Variants in DOCK1 observed in about 807,000 individuals in gnomAD.
DOCK1 encodes the protein dedicator of cytokinesis protein 1.
Under a neutral mutation model 262.7 loss-of-function variants are expected in DOCK1, and 138 were observed. The ratio of observed to expected loss-of-function variants is 0.53; its 90% CI spans 0.46 to 0.61. The LOEUF is 0.61. Ranked by LOEUF, DOCK1 falls within the 20% of genes least tolerant of loss-of-function variation. The probability of loss-of-function intolerance (pLI) is 0.00; values close to 1 mark genes in which losing one functional copy is unlikely to be tolerated. For missense variants in DOCK1, 1,908 were observed against 2,370.7 expected, an observed-to-expected ratio of 0.80 and a Z score of 4.05; for synonymous variants, 866 against 867.4, an observed-to-expected ratio of 1.00 and a Z score of 0.03.
chr10:127,070,556 C>T (rs1211959110), intron 23 of DOCK1, among the ~76,000 whole-genome samples: 8 of 151,914 alleles, frequency 5.3e-5, no homozygotes, highest in South Asian at 2.1e-4. Flanking sequence ...CTGGCCTGAA[C>T]GTAACCTTTT....
chr10:127,049,165 A>G (rs1273896367), intron 21 of DOCK1, among the ~76,000 whole-genome samples: 3 of 152,324 alleles, frequency 2.0e-5, no homozygotes, highest in South Asian at 2.1e-4. Context: ...ATTGAGAGGG[A>G]ATTAAAAGTA....
chr10:127,365,047 T>G (rs1197202942), intron 33 of DOCK1, among the ~76,000 whole-genome samples: 2 of 152,220 alleles, frequency 1.3e-5, no homozygotes, highest in Non-Finnish European at 2.9e-5. Context: ...TACCTAGATT[T>G]TTTTTATTAA....
intron 25 of DOCK1, among the ~76,000 whole-genome samples, chr10:127,120,633 T>C (rs2049499947): frequency 6.6e-6 from 1 of 152,196 alleles, no homozygotes; most frequent in Admixed American, 6.5e-5. Flanking sequence ...TTGAATATAA[T>C]TTACCTTTGA....
At chr10:127,145,243 G>A (rs2051692876) in intron 27 of DOCK1, among the ~76,000 whole-genome samples, 2 of 152,240 alleles carry the variant, frequency 1.3e-5, no homozygotes, top group Non-Finnish European at 2.9e-5. Context: ...GTGCCACCGA[G>A]GAGCAGAGGC....
intron 29 of DOCK1, among the ~76,000 whole-genome samples, chr10:127,278,002 G>T (rs1159885706): frequency 6.6e-6 from 1 of 152,110 alleles, no homozygotes; most frequent in Non-Finnish European, 1.5e-5. Flanking sequence ...GTATAAAGCA[G>T]GTATGGAGCA....
intron 29 of DOCK1, among the ~76,000 whole-genome samples, chr10:127,283,442 G>A (rs933992830): frequency 6.6e-6 from 1 of 152,200 alleles, no homozygotes; most frequent in Non-Finnish European, 1.5e-5. Flanking sequence ...CATGCCAGAG[G>A]AACACTGAAT....
chr10:127,208,692 G>A (rs949710349), intron 27 of DOCK1, among the ~76,000 whole-genome samples: 1 of 152,072 alleles, frequency 6.6e-6, no homozygotes, highest in African/African-American at 2.4e-5. Flanking sequence ...ATGACAAAAT[G>A]TGACATAGTG....
chr10:127,089,916 A>G (rs1202566342), intron 23 of DOCK1, among the ~76,000 whole-genome samples: 2 of 150,640 alleles, frequency 1.3e-5, no homozygotes, highest in East Asian at 1.9e-4. Context: ...CCTGTCCTAC[A>G]TATCTGACCA....
intron 49 of DOCK1, among the ~76,000 whole-genome samples, chr10:127,440,479 G>C (rs2070034179): frequency 6.6e-6 from 1 of 152,212 alleles, no homozygotes; most frequent in South Asian, 2.1e-4. Context: ...CTCATGGGCT[G>C]TCAGCATCAA....
chr10:127,210,473 C>T (rs1048842820), intron 27 of DOCK1, among the ~76,000 whole-genome samples: 5 of 152,194 alleles, frequency 3.3e-5, no homozygotes, highest in Non-Finnish European at 5.9e-5. Flanking sequence ...CCTGTGATTA[C>T]GGTGGAATAA....
chr10:127,143,675 C>A (rs1482596285), intron 27 of DOCK1, among the ~76,000 whole-genome samples: 1 of 152,166 alleles, frequency 6.6e-6, no homozygotes, highest in Non-Finnish European at 1.5e-5. Context: ...CCATGGGCAA[C>A]ACCAGCATTG....
At chr10:127,252,860 G>T (rs1023871878) in intron 28 of DOCK1, among the ~76,000 whole-genome samples, 1 of 152,100 alleles carries the variant, frequency 6.6e-6, no homozygotes, top group African/African-American at 2.4e-5. Flanking sequence ...GGATTGATTT[G>T]GCGATGCGGG....
intron 33 of DOCK1, among the ~76,000 whole-genome samples, chr10:127,363,021 A>G (rs1428979144): frequency 7.4e-6 from 1 of 134,870 alleles, no homozygotes; most frequent in African/African-American, 3.7e-5. Context: ...CCCCACACAC[A>G]CACACACATG....
intron 27 of DOCK1, among the ~76,000 whole-genome samples, chr10:127,246,780 A>G (rs1263907139): frequency 8.5e-5 from 13 of 152,232 alleles, no homozygotes; most frequent in African/African-American, 3.1e-4. Flanking sequence ...TAAAGCCTGT[A>G]TTCCAAATTA....
rs1354421706 is a variant in DOCK1 at position 127,373,821 on chromosome 10, A to G, written c.3473A>G (p.Glu1158Gly). ...EIITKLDHEVEGGRGDEQYKV... is the reference protein window; with the variant it reads ...EIITKLDHEVGGGRGDEQYKV... The stretch of plus-strand genomic sequence containing the variant: ...ATCACCAAGCTGGATCATGAAGTCG[A>G]AGGAGGCAGAGGAGACGAACAGTAC... Residue 1158 changes from glutamate (E) to glycine (G), a missense_variant, in exon 34 of 52, where the codon GAA becomes GGA. Around this residue, in one of 9 missense-constraint regions of DOCK1, gnomAD observed 518 missense variants for 575.1 expected, o/e 0.90. Transcript: ENST00000623213. 2 of 1,611,856 alleles carry G rather than the reference A, an allele frequency of 1.2e-6. No individual in the cohort carries two copies. Among genetic ancestry groups the G allele is most frequent in the South Asian group, 2.2e-5 (2 of 90,258 alleles).
chr10:127,119,160 C>T (rs1396535897), intron 25 of DOCK1, among the ~76,000 whole-genome samples: 9 of 152,034 alleles, frequency 5.9e-5, no homozygotes. Flanking sequence ...TCTTCTGCCT[C>T]AGCCTCCTGA....
At position 127,399,362 on chromosome 10, in the gene DOCK1, G is replaced by A. The variant is rs952577420; in HGVS notation, c.3928-3693G>A. 5.3e-5 allele frequency among the ~76,000 whole-genome samples: 8 copies of A among 152,160 alleles called. No individual in the cohort carries two copies. In the South Asian group the frequency reaches 6.2e-4, roughly 12 times the overall value. The stretch of plus-strand genomic sequence containing the variant: ...ATTGAATCTGCCTTCTCTCTGGCAC[G>A]GAAACATTTTCCAAGGTATTCACGT... On this transcript the variant is annotated intron_variant, in intron 38 of 51. Transcript: ENST00000623213.
intron 24 of DOCK1, 126 bp from the exon 25 acceptor site, chr10:127,110,122 A>T (rs2048776182): frequency 2.3e-5 from 17 of 742,484 alleles, no homozygotes; most frequent in Non-Finnish European, 3.5e-5. Flanking sequence ...ATAGTGCATG[A>T]GAGGCTGTGT....
chr10:126,934,892 G>A (rs1013817721), intron 1 of DOCK1, among the ~76,000 whole-genome samples: 28 of 152,022 alleles, frequency 1.8e-4, no homozygotes, highest in Non-Finnish European at 3.4e-4. Context: ...CAAGGTGGGC[G>A]GGTCATGAGG....
Sources: allele counts gnomAD v4.1 joint callset (sites outside exome capture counted in the v4.1 genomes callset), GRCh38; gene constraint gnomAD v4.1.1; regional missense constraint gnomAD v4.1.1; transcripts MANE v1.5; gene names NCBI Gene and HGNC (gene_info 2026-07-23, HGNC 2026-07-21).